IFT43: variants seen among roughly 807,000 people sequenced by gnomAD.
The protein encoded by IFT43 is intraflagellar transport 43.
In IFT43, 33 loss-of-function variants were observed where a neutral mutation model predicts 32.3. The ratio of observed to expected loss-of-function variants is 1.02; its 90% CI spans 0.77 to 1.37. The LOEUF (loss-of-function observed/expected upper bound fraction) is 1.37. Ranked by LOEUF, IFT43 falls within the 40% of genes most tolerant of loss-of-function variation. IFT43 has a pLI of 0.00. For missense variants in IFT43, 274 were observed against 265.9 expected, an observed-to-expected ratio of 1.03 and a Z score of -0.21; for synonymous variants, 93 against 98.2, an observed-to-expected ratio of 0.95 and a Z score of 0.31.
At chr14:76,025,652 A>G (rs1020710265) in intron 3 of IFT43, among the ~76,000 whole-genome samples, 2 of 152,150 alleles carry the variant, frequency 1.3e-5, no homozygotes, top group Admixed American at 6.5e-5. Flanking sequence ...AAATAAGACC[A>G]TATACCTGCA....
intron 3 of IFT43, among the ~76,000 whole-genome samples, chr14:76,039,817 A>G (rs2036672108): frequency 6.6e-6 from 1 of 152,300 alleles, no homozygotes; most frequent in South Asian, 2.1e-4. Context: ...TTTCTCTCCA[A>G]AGGTACTCTA....
chr14:76,011,890 C>T (rs58941670), intron 2 of IFT43, among the ~76,000 whole-genome samples: 2,839 of 152,166 alleles, frequency 0.019, 86 homozygotes, highest in African/African-American at 0.065. Flanking sequence ...AGATGCCAGC[C>T]CTGAAGCGTA....
At chr14:75,993,946 T>TA (rs1422161846) in intron 2 of IFT43, among the ~76,000 whole-genome samples, 2 of 152,190 alleles carry the variant, frequency 1.3e-5, no homozygotes, top group Non-Finnish European at 2.9e-5. Flanking sequence ...AACTGGATCT[T>TA]ACAGCCACAC....
intron 5 of IFT43, among the ~76,000 whole-genome samples, chr14:76,081,474 T>C (rs1031582133): frequency 2.6e-5 from 4 of 152,180 alleles, no homozygotes; most frequent in African/African-American, 9.7e-5. Context: ...AGGAAATGTT[T>C]CTTTAGGATG....
chr14:76,064,146 A>G (rs1413336814), intron 5 of IFT43, among the ~76,000 whole-genome samples: 1 of 152,202 alleles, frequency 6.6e-6, no homozygotes, highest in African/African-American at 2.4e-5. Flanking sequence ...GTATCTCTTC[A>G]TGACAGATCT....
downstream of IFT43, chr14:76,083,874 C>T (rs562012593): frequency 4.4e-5 from 24 of 542,314 alleles, no homozygotes; most frequent in East Asian, 3.2e-4. Flanking sequence ...TCGATTCAGG[C>T]GGAGAAGGAG....
At chr14:75,990,487 A>G (rs2035615642) in intron 2 of IFT43, among the ~76,000 whole-genome samples, 2 of 152,170 alleles carry the variant, frequency 1.3e-5, no homozygotes, top group African/African-American at 2.4e-5. Flanking sequence ...GTGTCTTATC[A>G]TCGTACCCTA....
chr14:76,029,593 G>T (rs1033252009), intron 3 of IFT43, among the ~76,000 whole-genome samples: 1 of 152,108 alleles, frequency 6.6e-6, no homozygotes, highest in African/African-American at 2.4e-5. Context: ...TATAGTTCGA[G>T]ATCTTACATT....
chr14:76,000,915 C>T (rs1433127353), intron 2 of IFT43, among the ~76,000 whole-genome samples: 1 of 152,132 alleles, frequency 6.6e-6, no homozygotes, highest in Admixed American at 6.5e-5. Context: ...TTTGAGTTGC[C>T]TTCAGGATTT....
intron 2 of IFT43, among the ~76,000 whole-genome samples, chr14:76,015,103 A>C (rs543550393): frequency 6.6e-6 from 1 of 152,192 alleles, no homozygotes; most frequent in Non-Finnish European, 1.5e-5. Flanking sequence ...CACATAGGTA[A>C]CAAGGTTGAT....
At chr14:75,989,846 T>G (rs1421703806) in intron 2 of IFT43, among the ~76,000 whole-genome samples, 1 of 152,176 alleles carries the variant, frequency 6.6e-6, no homozygotes, top group African/African-American at 2.4e-5. Flanking sequence ...GGCAGGTGCA[T>G]GAGCAAATGA....
At chr14:76,060,812 T>TCCTC (rs142190540) in intron 5 of IFT43, among the ~76,000 whole-genome samples, 3 of 136,950 alleles carry the variant, frequency 2.2e-5, no homozygotes, top group African/African-American at 5.4e-5. Context: ...TTCCCTCCCT[T>TCCTC]CCTCCCTCCC....
chr14:75,990,032 T>G (rs906172446), intron 2 of IFT43, among the ~76,000 whole-genome samples: 1 of 152,242 alleles, frequency 6.6e-6, no homozygotes, highest in African/African-American at 2.4e-5. Context: ...TACTTTAAGA[T>G]AACATCTGTG....
intron 3 of IFT43, among the ~76,000 whole-genome samples, chr14:76,044,704 C>T (rs2036772614): frequency 6.6e-6 from 1 of 152,114 alleles, no homozygotes; most frequent in African/African-American, 2.4e-5. Context: ...TACAAAAAGA[C>T]ATAACACATT....
rs145925231 is a variant in IFT43, at chr14:76,025,489, G to A, written c.215+3095G>A. Among the ~76,000 whole-genome samples the A allele has an allele frequency of 4.3e-3, 660 of 152,000 alleles. 4 individuals carry two copies. Among genetic ancestry groups the A allele is most frequent in the African/African-American group, 0.015 (636 of 41,466 alleles). On this transcript the variant is annotated intron_variant, in intron 3 of 8. Coordinates refer to ENST00000314067, the MANE Select transcript of IFT43 (RefSeq NM_001102564.3). ...ACAAAAAAGGGCCCAAATAGCCAAG[G>A]CAATCCTAAGCAAACTAAAACAAAA...
chr14:76,060,259 C>T (rs1368323358), intron 5 of IFT43, among the ~76,000 whole-genome samples: 1 of 151,926 alleles, frequency 6.6e-6, no homozygotes, highest in Admixed American at 6.6e-5. Flanking sequence ...GCTGTGTCAC[C>T]CAGACTGGAG....
rs749703649 is a variant in IFT43 at position 75,988,904 on chromosome 14, G to A, written c.74G>A (p.Arg25Gln). Residue 25 changes from arginine (R) to glutamine (Q), a missense_variant, in exon 2 of 9, where the codon CGA becomes CAA. Arg to Gln is a conservative substitution (Grantham distance 43). Transcript: ENST00000314067. ...TTACAGAGGGCCAAGATGGGTCGCCGAGCTCAACAGGAGTCAGCGCAGGCC... is the reference window on the plus strand; with the variant it reads ...TTACAGAGGGCCAAGATGGGTCGCCAAGCTCAACAGGAGTCAGCGCAGGCC... The part of the protein sequence containing the change: ...LATSRAKMGR[R>Q]AQQESAQAEN... 2 of 1,613,946 alleles carry A rather than the reference G, an allele frequency of 1.2e-6. No homozygotes were observed. The highest frequency in any genetic ancestry group is 1.3e-5 in the African/African-American group (1 of 75,004).
chr14:76,003,649 C>T (rs2035930722), intron 2 of IFT43, among the ~76,000 whole-genome samples: 3 of 151,564 alleles, frequency 2.0e-5, no homozygotes, highest in Non-Finnish European at 4.4e-5. Flanking sequence ...AAAATTATGC[C>T]ACTTCATATA....
intron 5 of IFT43, among the ~76,000 whole-genome samples, chr14:76,062,779 TGGTGGCGGGCAC>T (rs2037161016): frequency 6.6e-6 from 1 of 151,734 alleles, no homozygotes; most frequent in Non-Finnish European, 1.5e-5. Flanking sequence ...TAGCTGGGCC[TGGTGGCGGGCAC>T]CTGTAATCCC....
Sources: gnomAD v4.1 joint callset for allele counts (sites outside exome capture counted in the v4.1 genomes callset) on GRCh38, gnomAD v4.1.1 for gene constraint, MANE v1.5 for transcripts, NCBI Gene and HGNC (gene_info 2026-07-23, HGNC 2026-07-21) for gene names.